The following NAV1 variants were observed in gnomAD, a reference collection of about 807,000 sequenced individuals.
NAV1 encodes neuron navigator 1, also known as pore membrane and/or filament interacting like protein 3.
NAV1 carries 18 observed loss-of-function variants against 175.2 expected under a neutral mutation model. That is an observed-to-expected ratio of 0.10 (90% CI 0.07 to 0.15). The LOEUF is 0.15. NAV1 is among the 10% of genes least tolerant of loss of function. The pLI, the probability that NAV1 is intolerant of heterozygous loss-of-function variation, is 1.00. For synonymous variants in NAV1, 897 were observed against 978.7 expected (o/e 0.92, Z 1.56); for missense variants, 1,731 against 2,436.6 (o/e 0.71, Z 6.10).
At chr1:201,582,568 C>A (rs1666898886) in intron 1 of NAV1, among the ~76,000 whole-genome samples, 1 of 152,174 alleles carries the variant, frequency 6.6e-6, no homozygotes, top group Non-Finnish European at 1.5e-5. Flanking sequence ...CAGGAATCAG[C>A]CAGCCAGCTC....
rs983821747 is a variant in NAV1 at position 201,539,845 on chromosome 1, G to T, written c.-144+503G>T. 6.6e-6 allele frequency among the ~76,000 whole-genome samples: 1 copy of T among 152,134 alleles called. No individual in the cohort carries two copies. The highest frequency in any genetic ancestry group is 2.4e-5 in the African/African-American group (1 of 41,438). On this transcript the variant is annotated intron_variant, in intron 1 of 33. Coordinates refer to the NAV1 transcript ENST00000685211. This position sits in a 1 kb window ranked among gnomAD's most constrained non-coding sequence, Gnocchi z 5.6. ...GCTGGGGCAGGTGACCTCGCGGGCC[G>T]TTCCAGAAAACGTTCCCCGCACCCC...
chr1:201,670,757 G>A lies in NAV1; in HGVS notation c.757+21332G>A, dbSNP rs1347330741. Among the ~76,000 whole-genome samples, 5 of 152,202 alleles carry A rather than the reference G, an allele frequency of 3.3e-5. No individual in the cohort carries two copies. The East Asian group carries it at 9.7e-4, about 29-fold the overall frequency. On this transcript the variant is annotated intron_variant, in intron 1 of 29. Coordinates refer to ENST00000367296, the Ensembl canonical transcript of NAV1. The stretch of plus-strand genomic sequence containing the variant: ...GTGATGTTTTGGTGATGGTGGTGGA[G>A]ATGCTGGTGGTGTTTTGGTGTTGGT...
At chr1:201,742,935 G>A (rs1366746895) in intron 3 of NAV1, among the ~76,000 whole-genome samples, 2 of 152,146 alleles carry the variant, frequency 1.3e-5, no homozygotes, top group African/African-American at 4.8e-5. Context: ...ATCTTAATAG[G>A]GGGGACAGTC....
chr1:201,572,978 A>G (rs976515396), intron 1 of NAV1, among the ~76,000 whole-genome samples: 1 of 146,956 alleles, frequency 6.8e-6, no homozygotes, highest in Non-Finnish European at 1.5e-5. Flanking sequence ...ACCTTCTAGA[A>G]GCCTGAGCCC....
In NAV1 at chr1:201,804,510, G is replaced by A. The variant is rs935556159; in HGVS notation, c.3648+13G>A. Reference sequence around the variant, plus strand: ...CCAGGTCTATGAGGTAAGAGACCCAGTTCCTATCCCCTTATTTTCTCTTTC... The same window carrying A: ...CCAGGTCTATGAGGTAAGAGACCCAATTCCTATCCCCTTATTTTCTCTTTC... On this transcript the variant is annotated intron_variant, in intron 17 of 29. Transcript: ENST00000367296. The A allele has an allele frequency of 5.2e-6, 8 of 1,531,440 alleles. No homozygotes were observed. The African/African-American group carries it at 1.0e-4, about 19-fold the overall frequency. 94.9% of individuals were successfully genotyped at this position (1,531,440 alleles called of 1,614,324 possible). A position where few individuals can be genotyped will look rare whatever the true frequency, so the allele number is the denominator to read the frequency against.
chr1:201,714,442 T>C (rs1280545760), intron 2 of NAV1, among the ~76,000 whole-genome samples: 1 of 152,152 alleles, frequency 6.6e-6, no homozygotes, highest in Non-Finnish European at 1.5e-5. Context: ...AATGGTAAGA[T>C]AAATCAAAAC....
chr1:201,718,851 T>C lies in NAV1; in HGVS notation c.1226+96T>C, dbSNP rs537995358. The C allele has an allele frequency of 2.7e-4, 389 of 1,458,114 alleles. No individual in the cohort carries two copies. Among genetic ancestry groups the C allele is most frequent in the Admixed American group, 3.6e-4 (18 of 50,196 alleles). The allele number at this position is 1,458,114 out of a possible 1,614,324, so 90.3% of individuals were successfully genotyped here. On this transcript the variant is annotated intron_variant, in intron 3 of 29. Coordinates refer to ENST00000367296, the Ensembl canonical transcript of NAV1. The surrounding 1 kb of genome is among the most constrained non-coding windows in gnomAD (Gnocchi z 4.8). ...GTGGAGTGGAACCCAAAACGGGTTT[T>C]GGTTTGCTGTGCTGCTATGAAAGTA... is the stretch of plus-strand genomic sequence containing the variant.
At chr1:201,680,529 T>TAAATA (rs1337757269) in intron 1 of NAV1, among the ~76,000 whole-genome samples, 5 of 151,664 alleles carry the variant, frequency 3.3e-5, no homozygotes, top group Admixed American at 6.6e-5. Flanking sequence ...AACAAATAAA[T>TAAATA]AAATAAAATA....
At chr1:201,595,820 C>A (rs532956859) in intron 2 of NAV1, among the ~76,000 whole-genome samples, 1 of 152,388 alleles carries the variant, frequency 6.6e-6, no homozygotes, top group African/African-American at 2.4e-5. Flanking sequence ...TCCCCTGCAA[C>A]CAAGGTGCCC....
rs1665454125 is a variant in NAV1, at chr1:201,539,889, G to GCCCTCCCGCCAATCT, written c.-144+551_-144+565dup. Among the ~76,000 whole-genome samples, 1 of 152,160 alleles carries GCCCTCCCGCCAATCT rather than the reference G, an allele frequency of 6.6e-6. No homozygotes were observed. Among genetic ancestry groups the GCCCTCCCGCCAATCT allele is most frequent in the African/African-American group, 2.4e-5 (1 of 41,458 alleles). ...GCACCCCCGGGATGCGCCGGGAAGC[G>GCCCTCCCGCCAATCT]CCCTCCCGCCAATCTCCCGGAGGCC... On this transcript the variant is annotated intron_variant, in intron 1 of 33. Transcript: ENST00000685211. The surrounding 1 kb of genome is among the most constrained non-coding windows in gnomAD (Gnocchi z 5.6).
chr1:201,618,764 C>G (rs112641070), upstream of NAV1, among the ~76,000 whole-genome samples: 1 of 152,216 alleles, frequency 6.6e-6, no homozygotes, highest in Non-Finnish European at 1.5e-5. Flanking sequence ...GGTACTAAAA[C>G]TTACTTTGTA....
Position 201,780,418 on chromosome 1 carries a change from T to C in NAV1, c.1227-3T>C. 6.2e-7 allele frequency: 1 copy of C among 1,614,258 alleles called. No homozygotes were observed. The highest frequency in any genetic ancestry group is 8.5e-7 in the Non-Finnish European group (1 of 1,180,046). On this transcript the variant is annotated splice_region_variant and splice_polypyrimidine_tract_variant and intron_variant, in intron 3 of 29. Transcript: ENST00000367296. The stretch of plus-strand genomic sequence containing the variant: ...ATTGACCTTCATCTCTCCTGTCCTG[T>C]AGCTGGGATGAAAGCAGCTCCATCA...
At chr1:201,689,241 T>C (rs1670801949) in intron 1 of NAV1, among the ~76,000 whole-genome samples, 1 of 152,192 alleles carries the variant, frequency 6.6e-6, no homozygotes, top group Non-Finnish European at 1.5e-5. Flanking sequence ...ATTCCAACTT[T>C]TACTGCACAA....
At chr1:201,568,201 G>C (rs1236403301) in intron 1 of NAV1, among the ~76,000 whole-genome samples, 1 of 152,170 alleles carries the variant, frequency 6.6e-6, no homozygotes, top group Non-Finnish European at 1.5e-5. Flanking sequence ...CCAGCTTGGT[G>C]ATGGACTGGC....
chr1:201,586,558 G>A (rs570027158), intron 1 of NAV1, among the ~76,000 whole-genome samples: 1 of 152,174 alleles, frequency 6.6e-6, no homozygotes, highest in South Asian at 2.1e-4. Context: ...GCCTGGTGAG[G>A]TCTGTCTTCC....
chr1:201,793,665 C>G (rs374770324), intron 13 of NAV1, 127 bp from the exon 18 acceptor site: 2 of 754,580 alleles, frequency 2.7e-6, no homozygotes, highest in East Asian at 2.7e-5. Flanking sequence ...TTTTAACCAC[C>G]AAGAGGTTTG....
At chr1:201,735,722 G>A (rs951171445) in intron 3 of NAV1, among the ~76,000 whole-genome samples, 9 of 152,188 alleles carry the variant, frequency 5.9e-5, no homozygotes, top group Non-Finnish European at 5.9e-5. Context: ...TAAACTCATG[G>A]ATGTGAAAAT....
At chr1:201,606,415 G>T (rs1446011136) in intron 2 of NAV1, among the ~76,000 whole-genome samples, 2 of 152,182 alleles carry the variant, frequency 1.3e-5, no homozygotes, top group African/African-American at 4.8e-5. Context: ...TATTTTGCTG[G>T]CACTTTCCTC....
At chr1:201,781,815 A>G (rs1400265257) in intron 5 of NAV1, among the ~76,000 whole-genome samples, 1 of 152,182 alleles carries the variant, frequency 6.6e-6, no homozygotes, top group Non-Finnish European at 1.5e-5. Flanking sequence ...TCTAATTACT[A>G]AGAGATATTG....
Sources: gnomAD v4.1 joint callset for allele counts (sites outside exome capture counted in the v4.1 genomes callset) on GRCh38, gnomAD v4.1.1 for gene constraint, Gnocchi (gnomAD v3.1) non-coding constraint, MANE v1.5 for transcripts, NCBI Gene and HGNC (gene_info 2026-07-23, HGNC 2026-07-21) for gene names.